CWF19L1: variants seen among roughly 807,000 people sequenced by gnomAD.
The protein encoded by CWF19L1 is CWF19-like protein 1.
A neutral mutation model predicts 69.7 loss-of-function variants in CWF19L1; 60 were observed. That is an observed-to-expected ratio of 0.86 (90% CI 0.70 to 1.07). CWF19L1 has a LOEUF of 1.07. Ranked by LOEUF, CWF19L1 falls within the 50% of genes least tolerant of loss-of-function variation. The pLI is 0.00. For missense variants in CWF19L1, 591 were observed against 638.9 expected (o/e 0.92, Z 0.81); for synonymous variants, 209 against 222.2 (o/e 0.94, Z 0.53).
chr10:100,258,767 A>G (rs1847294874), intron 4 of CWF19L1: 1 of 152,154 alleles, frequency 6.6e-6, no homozygotes, highest in Non-Finnish European at 1.5e-5. Context: ...CGGGAGGGCC[A>G]TAGCCAAATA....
chr10:100,260,527 AT>A (rs768870380), intron 3 of CWF19L1, among the ~76,000 whole-genome samples: 2,624 of 147,504 alleles, frequency 0.018, 29 homozygotes, highest in Non-Finnish European at 0.021. Context: ...TATTTATTTT[AT>A]TTTTTTTTTT....
In CWF19L1 at chr10:100,238,046, A is replaced by G. The variant is rs1229320869; in HGVS notation, c.1230T>C (p.Tyr410=). The G allele has an allele frequency of 1.9e-6, 3 of 1,614,210 alleles. No homozygotes were observed. Among genetic ancestry groups the G allele is most frequent in the Non-Finnish European group, 2.5e-6 (3 of 1,180,026 alleles). Residue 410 remains tyrosine, a synonymous_variant, in exon 11 of 14, where the codon TAT becomes TAC. Coordinates refer to ENST00000354105, the MANE Select transcript of CWF19L1 (RefSeq NM_018294.6). ...CCTGTAGCTGGAGGTGATGGCTCTT[A>G]TAATTTCTCTCAAATACAACACACC... is the stretch of plus-strand genomic sequence containing the variant. ...GKWCVVFERN[Y]KSHHLQLQVI...
rs1194171138 is a variant in CWF19L1 at position 100,253,471 on chromosome 10, T to C, written c.573A>G (p.Arg191=). 11 of 1,613,948 alleles carry C rather than the reference T, an allele frequency of 6.8e-6. No homozygotes were observed. Among genetic ancestry groups the C allele is most frequent in the Non-Finnish European group, 9.3e-6 (11 of 1,179,910 alleles). Residue 191 remains arginine, a synonymous_variant, in exon 6 of 14, where the codon AGA becomes AGG. Transcript: ENST00000354105. ...VSSLATGLKP[R]YHFAALEKTY... ...TCTTTTCCAAAGCAGCAAAATGGTA[T>C]CTTGGTTTCAAGCCCGTGGCAAGAC... is the stretch of plus-strand genomic sequence containing the variant.
At chr10:100,253,083 A>T (rs2134306426) in intron 6 of CWF19L1, among the ~76,000 whole-genome samples, 1 of 152,290 alleles carries the variant, frequency 6.6e-6, no homozygotes, top group East Asian at 1.9e-4. Context: ...TCACAGGCGT[A>T]GTCATTGCAC....
intron 10 of CWF19L1, among the ~76,000 whole-genome samples, chr10:100,242,601 G>A (rs1846672030): frequency 6.6e-6 from 1 of 151,524 alleles, no homozygotes; most frequent in Admixed American, 6.6e-5. Context: ...TTGAACCCGG[G>A]AGGCAGAGGT....
chr10:100,256,586 T>A, intron 4 of CWF19L1, 110 bp from the exon 5 acceptor site: 1 of 818,210 alleles, frequency 1.2e-6, no homozygotes, highest in Non-Finnish European at 2.0e-6. Context: ...ATTTTACATG[T>A]CTGAAGTGTA....
intron 4 of CWF19L1, among the ~76,000 whole-genome samples, chr10:100,257,427 G>A (rs1847251724): frequency 6.7e-6 from 1 of 150,156 alleles, no homozygotes; most frequent in Non-Finnish European, 1.5e-5. Flanking sequence ...AGCCTCCCAA[G>A]TAGCTGGGAC....
intron 12 of CWF19L1, 149 bp downstream of exon 12, chr10:100,236,701 C>T (rs528389957): frequency 4.8e-5 from 40 of 824,818 alleles, no homozygotes; most frequent in Middle Eastern, 2.6e-4. Flanking sequence ...ACCCGGAAGG[C>T]GGAGGTTGCA....
chr10:100,259,402 T>TA (rs1395361104), intron 4 of CWF19L1, among the ~76,000 whole-genome samples: 1 of 149,472 alleles, frequency 6.7e-6, no homozygotes, highest in East Asian at 2.0e-4. Flanking sequence ...AAAAGGAGAG[T>TA]AAAAAAAGAG....
At chr10:100,267,095 T>C (rs1236695605) in intron 1 of CWF19L1, among the ~76,000 whole-genome samples, 1 of 139,276 alleles carries the variant, frequency 7.2e-6, no homozygotes, top group Non-Finnish European at 1.5e-5. Flanking sequence ...CTTCAATAAA[T>C]ACTTGCTGCA....
chr10:100,252,994 T>C (rs1847092895), intron 6 of CWF19L1, among the ~76,000 whole-genome samples: 1 of 152,172 alleles, frequency 6.6e-6, no homozygotes, highest in Non-Finnish European at 1.5e-5. Context: ...ATATACATTA[T>C]CTCATATTTA....
chr10:100,236,768 TCAAACAAA>T (rs961467251), intron 12 of CWF19L1, 74 bp downstream of exon 12: 3 of 1,499,662 alleles, frequency 2.0e-6, no homozygotes, highest in African/African-American at 2.8e-5. Context: ...AGACTCTGTC[TCAAACAAA>T]CAAACAAACA....
At chr10:100,252,896 A>G (rs1847089082) in intron 6 of CWF19L1, among the ~76,000 whole-genome samples, 1 of 151,832 alleles carries the variant, frequency 6.6e-6, no homozygotes, top group Admixed American at 6.6e-5. Context: ...TTTTTAATTG[A>G]TAACTAAAAT....
chr10:100,237,111 G>GTCTGTAAGGCTGTC, intron 11 of CWF19L1, 142 bp from the exon 12 acceptor site: 1 of 1,009,328 alleles, frequency 9.9e-7, no homozygotes, highest in Non-Finnish European at 1.5e-6. Context: ...AGACAAGCCT[G>GTCTGTAAGGCTGTC]TGTCAGCCTG....
chr10:100,261,186 C>T (rs1002303709), intron 2 of CWF19L1, 142 bp from the exon 3 acceptor site: 37 of 596,448 alleles, frequency 6.2e-5, no homozygotes, highest in Non-Finnish European at 5.6e-5. Flanking sequence ...ATATACAATT[C>T]TTTAGCAGCA....
intron 12 of CWF19L1, 79 bp downstream of exon 12, chr10:100,236,771 A>G: frequency 6.9e-7 from 1 of 1,455,910 alleles, no homozygotes; most frequent in South Asian, 1.4e-5. Context: ...CTCTGTCTCA[A>G]ACAAACAAAC....
At position 100,267,551 on chromosome 10, in the gene CWF19L1, T is replaced by A; in HGVS notation, c.23+20A>T. ...ACGAAAGAGACACAGGGAGAGAGGC[T>A]TCCATTCACGGTCACTCACAGGCGC... On this transcript the variant is annotated intron_variant, in intron 1 of 13. Coordinates refer to ENST00000354105, the MANE Select transcript of CWF19L1 (RefSeq NM_018294.6). 1 of 1,614,156 alleles carries A rather than the reference T, an allele frequency of 6.2e-7. No homozygotes were observed. Among genetic ancestry groups the A allele is most frequent in the African/African-American group, 1.3e-5 (1 of 75,024 alleles).
intron 10 of CWF19L1, among the ~76,000 whole-genome samples, chr10:100,241,059 G>A (rs1053584026): frequency 3.9e-5 from 5 of 129,672 alleles, no homozygotes; most frequent in Non-Finnish European, 6.2e-5. Flanking sequence ...CCCCCAGGCT[G>A]GAGTGCAGTG....
intron 5 of CWF19L1, chr10:100,253,960 C>T (rs1847127336): frequency 6.5e-6 from 1 of 153,726 alleles, no homozygotes; most frequent in Non-Finnish European, 1.4e-5. Flanking sequence ...TCACTGCAAC[C>T]TCTGCATCCT....
Sources: allele counts gnomAD v4.1 joint callset (sites outside exome capture counted in the v4.1 genomes callset), GRCh38; gene constraint gnomAD v4.1.1; transcripts MANE v1.5; gene names NCBI Gene and HGNC (gene_info 2026-07-23, HGNC 2026-07-21).